The following ALDH9A1 variants were observed in gnomAD, a reference collection of about 807,000 sequenced individuals.
The protein encoded by ALDH9A1 is 4-trimethylaminobutyraldehyde dehydrogenase.
Under a neutral mutation model 56.6 loss-of-function variants are expected in ALDH9A1, and 42 were observed. The observed-to-expected ratio is 0.74, with a 90% CI of 0.58 to 0.96. The LOEUF (loss-of-function observed/expected upper bound fraction) is 0.96. ALDH9A1 is among the 40% of genes least tolerant of loss of function. The probability of loss-of-function intolerance (pLI) is 0.00; values close to 1 mark genes in which losing one functional copy is unlikely to be tolerated. For synonymous variants in ALDH9A1, 242 were observed against 236.0 expected (o/e 1.03, Z -0.23); for missense variants, 661 against 651.5 (o/e 1.01, Z -0.16).
chr1:165,667,026 T>A (rs773360110), intron 9 of ALDH9A1, among the ~76,000 whole-genome samples: 1 of 152,194 alleles, frequency 6.6e-6, no homozygotes, highest in Non-Finnish European at 1.5e-5. Flanking sequence ...CCTTGACATG[T>A]GTGTTTTCAA....
At chr1:165,695,186 T>TG in intron 2 of ALDH9A1, 66 bp downstream of exon 2, 1 of 1,493,882 alleles carries the variant, frequency 6.7e-7, no homozygotes, top group Non-Finnish European at 8.9e-7. Context: ...AAAGTCGAAC[T>TG]GCAAACATCA....
intron 2 of ALDH9A1, among the ~76,000 whole-genome samples, chr1:165,691,972 C>G (rs375859321): frequency 6.6e-6 from 1 of 152,066 alleles, no homozygotes; most frequent in African/African-American, 2.4e-5. Context: ...ACAAAAACCA[C>G]GACTATCTCA....
intron 2 of ALDH9A1, among the ~76,000 whole-genome samples, chr1:165,693,882 G>A (rs1230587896): frequency 6.6e-6 from 1 of 152,114 alleles, no homozygotes; most frequent in Non-Finnish European, 1.5e-5. Context: ...ATACTATGCA[G>A]CCATTAAAAA....
At chr1:165,684,923 T>C (rs530210584) in intron 2 of ALDH9A1, among the ~76,000 whole-genome samples, 10 of 152,278 alleles carry the variant, frequency 6.6e-5, no homozygotes, top group Admixed American at 1.3e-4. Context: ...GTTTCAACTC[T>C]CAGAGAAAAT....
chr1:165,681,244 A>G (rs1375430685), intron 4 of ALDH9A1, among the ~76,000 whole-genome samples: 2 of 152,210 alleles, frequency 1.3e-5, no homozygotes, highest in Admixed American at 1.3e-4. Flanking sequence ...CAAACCCTAC[A>G]GTTGCCCAGT....
Position 165,663,086 on chromosome 1 carries a change from C to CA in ALDH9A1, c.1520dup (p.Cys508ValfsTer6). ...ATTCCACATCACCCATCTCCACACA[C>CA]ACAGTCTTCAGCTGTGAATAATATT... On this transcript the variant is annotated frameshift_variant, in exon 11 of 11. Transcript: ENST00000354775. LOFTEE classifies it high-confidence loss of function. The CA allele has an allele frequency of 6.2e-7, 1 of 1,614,090 alleles. No individual in the cohort carries two copies. The highest frequency in any genetic ancestry group is 1.1e-5 in the South Asian group (1 of 91,088).
chr1:165,663,086 C>G lies in ALDH9A1; in HGVS notation c.1521G>C (p.Val507=). The G allele has an allele frequency of 1.9e-6, 3 of 1,614,090 alleles. No homozygotes were observed. Among genetic ancestry groups the G allele is most frequent in the Non-Finnish European group, 1.7e-6 (2 of 1,179,952 alleles). ...ATTCCACATCACCCATCTCCACACACACAGTCTTCAGCTGTGAATAATATT... is the reference window on the plus strand; with the variant it reads ...ATTCCACATCACCCATCTCCACACAGACAGTCTTCAGCTGTGAATAATATT... The part of the protein sequence containing the change: ...TIEYYSQLKT[V]CVEMGDVESA... The change falls in exon 11 of 11, where the codon GTG becomes GTC. Residue 507 remains valine (V), a synonymous_variant. Coordinates refer to ENST00000354775, the MANE Select transcript of ALDH9A1 (RefSeq NM_000696.4).
At chr1:165,671,764 G>T in intron 6 of ALDH9A1, 4 of 276,912 alleles carry the variant, frequency 1.4e-5, no homozygotes, top group East Asian at 1.0e-4. Flanking sequence ...TAAAATAATT[G>T]CTTAACTAAC....
intron 5 of ALDH9A1, among the ~76,000 whole-genome samples, 154 bp downstream of exon 5, chr1:165,680,333 A>G (rs1314544411): frequency 6.6e-6 from 1 of 152,218 alleles, no homozygotes; most frequent in East Asian, 1.9e-4. Context: ...CTTTTACAGG[A>G]AATTTCACAC....
chr1:165,662,832 G>A lies in ALDH9A1; in HGVS notation c.*218C>T. ...AGATTTCACAAAAATACGCTTTGAG[G>A]AGAATCACAGCTTTCTTGATTAGTA... On this transcript the variant is annotated 3_prime_UTR_variant, in exon 11 of 11. Transcript: ENST00000354775. The A allele has an allele frequency of 1.9e-6, 1 of 536,658 alleles. No homozygotes were observed. The highest frequency in any genetic ancestry group is 4.8e-4 in the Middle Eastern group (1 of 2,070). 33.2% of individuals were successfully genotyped at this position (536,658 alleles called of 1,614,324 possible).
intron 1 of ALDH9A1, 50 bp downstream of exon 1, chr1:165,698,328 C>T (rs1394834526): frequency 1.3e-6 from 2 of 1,548,274 alleles, no homozygotes; most frequent in African/African-American, 1.4e-5. Flanking sequence ...CCGGGAAATC[C>T]GCGCATCCGG....
intron 1 of ALDH9A1, among the ~76,000 whole-genome samples, chr1:165,697,689 T>C (rs569414878): frequency 6.6e-6 from 1 of 152,318 alleles, no homozygotes; most frequent in Non-Finnish European, 1.5e-5. Context: ...ATTCCTCTCC[T>C]ATGCACACAT....
chr1:165,686,600 C>A (rs1479012272), intron 2 of ALDH9A1, among the ~76,000 whole-genome samples: 1 of 151,554 alleles, frequency 6.6e-6, no homozygotes. Flanking sequence ...CTCATTAACA[C>A]CCGGATCACA....
intron 6 of ALDH9A1, chr1:165,671,722 G>T: frequency 2.7e-6 from 1 of 368,968 alleles, no homozygotes; most frequent in South Asian, 2.3e-5. Context: ...CCTCTGCCCT[G>T]GTTGCATAAA....
intron 6 of ALDH9A1, among the ~76,000 whole-genome samples, chr1:165,672,020 T>C (rs1258884308): frequency 6.6e-6 from 1 of 152,218 alleles, no homozygotes; most frequent in East Asian, 1.9e-4. Context: ...TGTAGAAATG[T>C]AAAATGGTGC....
chr1:165,663,101 T>C lies in ALDH9A1; in HGVS notation c.1506A>G (p.Ser502=). 1 of 1,614,122 alleles carries C rather than the reference T, an allele frequency of 6.2e-7. No homozygotes were observed. The highest frequency in any genetic ancestry group is 2.2e-5 in the East Asian group (1 of 44,884). The change falls in exon 11 of 11, where the codon TCA becomes TCG. Residue 502 remains serine, a synonymous_variant. Coordinates refer to ENST00000354775, the MANE Select transcript of ALDH9A1 (RefSeq NM_000696.4). ...ENGRVTIEYY[S]QLKTVCVEMG... ...TCTCCACACACACAGTCTTCAGCTG[T>C]GAATAATATTCGATTGTCACACGGC... is the stretch of plus-strand genomic sequence containing the variant.
At chr1:165,686,689 G>A (rs1019891309) in intron 2 of ALDH9A1, among the ~76,000 whole-genome samples, 3 of 152,036 alleles carry the variant, frequency 2.0e-5, no homozygotes, top group African/African-American at 7.2e-5. Flanking sequence ...GGATCAAACT[G>A]ATTCCAAGTA....
intron 4 of ALDH9A1, 44 bp from the exon 5 acceptor site, chr1:165,680,727 C>T (rs1391192590): frequency 1.3e-6 from 2 of 1,528,444 alleles, no homozygotes; most frequent in South Asian, 2.5e-5. Flanking sequence ...TTTCTAAGAC[C>T]AGTGATCCCC....
intron 2 of ALDH9A1, among the ~76,000 whole-genome samples, chr1:165,690,634 C>G (rs562106460): frequency 6.6e-6 from 1 of 152,254 alleles, no homozygotes; most frequent in South Asian, 2.1e-4. Flanking sequence ...CAGATGGTAC[C>G]TGGGAAATCG....
Sources: allele counts gnomAD v4.1 joint callset (sites outside exome capture counted in the v4.1 genomes callset), GRCh38; gene constraint gnomAD v4.1.1; transcripts MANE v1.5; gene names NCBI Gene and HGNC (gene_info 2026-07-23, HGNC 2026-07-21).